NOX4: variants seen among roughly 807,000 people sequenced by gnomAD.
The protein encoded by NOX4 is kidney oxidase-1.
Under a neutral mutation model 87.6 loss-of-function variants are expected in NOX4, and 69 were observed. The observed-to-expected ratio is 0.79, with a 90% CI of 0.65 to 0.96. The LOEUF (loss-of-function observed/expected upper bound fraction) is 0.96. Ranked by LOEUF, NOX4 falls within the 40% of genes least tolerant of loss-of-function variation. The probability of loss-of-function intolerance (pLI) is 0.00; values close to 1 mark genes in which losing one functional copy is unlikely to be tolerated. For synonymous variants in NOX4, 275 were observed against 238.2 expected (o/e 1.15, Z -1.42); for missense variants, 680 against 681.5 (o/e 1.00, Z 0.02).
At chr11:89,327,253 T>C (rs1260212779) in intron 17 of NOX4, among the ~76,000 whole-genome samples, 2 of 152,188 alleles carry the variant, frequency 1.3e-5, no homozygotes, top group African/African-American at 4.8e-5. Context: ...TGAATAGATG[T>C]TCAGTCCACA....
intron 12 of NOX4, among the ~76,000 whole-genome samples, chr11:89,359,027 T>C (rs1374827800): frequency 2.0e-5 from 3 of 152,188 alleles, no homozygotes; most frequent in East Asian, 3.9e-4. Flanking sequence ...CAGTAGGAGA[T>C]ATATCTTAAT....
At chr11:89,476,285 G>C (rs959345044) in intron 2 of NOX4, among the ~76,000 whole-genome samples, 1 of 151,954 alleles carries the variant, frequency 6.6e-6, no homozygotes, top group Non-Finnish European at 1.5e-5. Context: ...CAGGCTTGTT[G>C]TTTTTACTGT....
At chr11:89,350,274 A>C (rs1269209536) in intron 13 of NOX4, among the ~76,000 whole-genome samples, 3 of 152,216 alleles carry the variant, frequency 2.0e-5, no homozygotes, top group Admixed American at 6.5e-5. Flanking sequence ...TATTTTTTAA[A>C]TGCCTTTCCT....
chr11:89,538,848 A>G, the NOX4 span, among the ~76,000 whole-genome samples: 1 of 151,946 alleles, frequency 6.6e-6, no homozygotes, highest in East Asian at 1.9e-4. Flanking sequence ...GTCCCCCTCA[A>G]TTTCATATAC....
the NOX4 span, among the ~76,000 whole-genome samples, chr11:89,576,742 C>T: frequency 6.6e-6 from 1 of 152,216 alleles, no homozygotes; most frequent in East Asian, 1.9e-4. Context: ...TTCATATAAT[C>T]TCATATTCAT....
chr11:89,335,102 G>A (rs12802291), intron 17 of NOX4, among the ~76,000 whole-genome samples: 2 of 151,704 alleles, frequency 1.3e-5, no homozygotes, highest in African/African-American at 2.4e-5. Flanking sequence ...TTTTACAACT[G>A]TGTAAACTTA....
the NOX4 span, among the ~76,000 whole-genome samples, chr11:89,509,686 G>A: frequency 1.3e-5 from 2 of 151,946 alleles, no homozygotes; most frequent in African/African-American, 4.8e-5. Flanking sequence ...AAATTAATCA[G>A]CCTTGAAAGC....
intron 2 of NOX4, among the ~76,000 whole-genome samples, chr11:89,475,556 G>T (rs1946131934): frequency 6.6e-6 from 1 of 152,014 alleles, no homozygotes; most frequent in South Asian, 2.1e-4. Flanking sequence ...TTTCAGAAGG[G>T]TATTAAGCTG....
intron 2 of NOX4, among the ~76,000 whole-genome samples, chr11:89,484,563 A>G (rs1490652123): frequency 6.6e-6 from 1 of 152,068 alleles, no homozygotes; most frequent in Admixed American, 6.6e-5. Context: ...ACTAAGGAGA[A>G]CAATAGACTA....
At chr11:89,382,154 G>C (rs2135098627) in intron 11 of NOX4, among the ~76,000 whole-genome samples, 1 of 151,962 alleles carries the variant, frequency 6.6e-6, no homozygotes, top group South Asian at 2.1e-4. Context: ...GGGGAGGGCA[G>C]GTACCCCCCA....
chr11:89,331,985 A>G (rs1278870267), intron 17 of NOX4, among the ~76,000 whole-genome samples: 1 of 151,724 alleles, frequency 6.6e-6, no homozygotes, highest in South Asian at 2.1e-4. Flanking sequence ...AGAATGCTGC[A>G]ATCCAACAAT....
intron 2 of NOX4, among the ~76,000 whole-genome samples, chr11:89,480,486 A>G (rs1946348859): frequency 1.3e-5 from 2 of 152,140 alleles, no homozygotes; most frequent in Admixed American, 6.6e-5. Context: ...TATTTCCATC[A>G]TGTTTTCCTG....
chr11:89,501,098 G>A (rs755992991), upstream of NOX4, among the ~76,000 whole-genome samples: 5 of 151,802 alleles, frequency 3.3e-5, no homozygotes, highest in Admixed American at 6.6e-5. Flanking sequence ...TTTTAATGTC[G>A]TATTTTTGGT....
chr11:89,527,767 C>T, the NOX4 span, among the ~76,000 whole-genome samples: 1 of 152,174 alleles, frequency 6.6e-6, no homozygotes, highest in South Asian at 2.1e-4. Context: ...CAGAAATTTG[C>T]TGCAGGGATG....
the NOX4 span, among the ~76,000 whole-genome samples, chr11:89,583,653 T>C: frequency 6.6e-6 from 1 of 152,158 alleles, no homozygotes; most frequent in Non-Finnish European, 1.5e-5. Context: ...ATCCCCTTAA[T>C]TAAGACTTTC....
chr11:89,388,694 G>A (rs1168967698), intron 11 of NOX4, among the ~76,000 whole-genome samples: 1 of 152,056 alleles, frequency 6.6e-6, no homozygotes, highest in Non-Finnish European at 1.5e-5. Flanking sequence ...ACCATAAAAG[G>A]CAAATAAGTC....
upstream of NOX4, among the ~76,000 whole-genome samples, chr11:89,502,945 T>G (rs1371985049): frequency 6.6e-6 from 1 of 152,038 alleles, no homozygotes. Flanking sequence ...GTACTATTAA[T>G]TGTAGTTGTC....
the NOX4 span, among the ~76,000 whole-genome samples, chr11:89,561,021 C>T: frequency 2.9e-3 from 145 of 49,394 alleles, no homozygotes; most frequent in South Asian, 4.1e-3. Flanking sequence ...TATATATATA[C>T]ATACACACAC....
chr11:89,579,703 G>A, the NOX4 span, among the ~76,000 whole-genome samples: 1 of 152,096 alleles, frequency 6.6e-6, no homozygotes, highest in Non-Finnish European at 1.5e-5. Context: ...ACTAATGTAA[G>A]AGATTAATAA....
Sources: allele counts gnomAD v4.1 joint callset (sites outside exome capture counted in the v4.1 genomes callset), GRCh38; gene constraint gnomAD v4.1.1; transcripts MANE v1.5; gene names NCBI Gene and HGNC (gene_info 2026-07-23, HGNC 2026-07-21).